Variants in TMEM178B observed in about 807,000 individuals in gnomAD.
TMEM178B encodes the protein transmembrane protein 178B.
Under a neutral mutation model 31.0 loss-of-function variants are expected in TMEM178B, and 5 were observed. That is an observed-to-expected ratio of 0.16 (90% CI 0.08 to 0.34). TMEM178B has a LOEUF of 0.34. Among genes scored for constraint, TMEM178B ranks in the 10% least tolerant of loss-of-function variants. The probability of loss-of-function intolerance (pLI) is 1.00; values close to 1 mark genes in which losing one functional copy is unlikely to be tolerated. For synonymous variants in TMEM178B, 164 were observed against 164.0 expected (o/e 1.00, Z 0.00); for missense variants, 275 against 400.3 (o/e 0.69, Z 2.67).
chr7:141,433,389 C>T (rs535215736), intron 2 of TMEM178B, among the ~76,000 whole-genome samples: 61 of 152,330 alleles, frequency 4.0e-4, no homozygotes, highest in African/African-American at 1.5e-3. Context: ...TTCTCTGATA[C>T]TGACTTTAGA....
chr7:141,271,007 C>G (rs1333179600), intron 2 of TMEM178B, among the ~76,000 whole-genome samples: 2 of 152,178 alleles, frequency 1.3e-5, no homozygotes, highest in East Asian at 3.9e-4. Flanking sequence ...TTCTCATTCC[C>G]AAGTCCTCTA....
chr7:141,227,283 C>T (rs577489773), intron 2 of TMEM178B, among the ~76,000 whole-genome samples: 2 of 152,316 alleles, frequency 1.3e-5, no homozygotes, highest in South Asian at 2.1e-4. Flanking sequence ...ACCTAAAATA[C>T]GTCACTCATT....
chr7:141,373,426 A>C (rs1800154032), intron 2 of TMEM178B, among the ~76,000 whole-genome samples: 1 of 152,232 alleles, frequency 6.6e-6, no homozygotes, highest in Non-Finnish European at 1.5e-5. Context: ...TGGGAAATAC[A>C]CTACGAGACT....
chr7:141,259,068 C>T (rs1177539124), intron 2 of TMEM178B, among the ~76,000 whole-genome samples: 1 of 152,140 alleles, frequency 6.6e-6, no homozygotes, highest in Non-Finnish European at 1.5e-5. Flanking sequence ...CTGTCTCTCT[C>T]TTCTTGTCTT....
chr7:141,336,891 CTA>C (rs1799403057), intron 2 of TMEM178B, among the ~76,000 whole-genome samples: 1 of 85,726 alleles, frequency 1.2e-5, no homozygotes. Context: ...ACCATCACCG[CTA>C]CCACCACCAC....
chr7:141,081,269 T>G (rs1202326535), intron 1 of TMEM178B, among the ~76,000 whole-genome samples: 1 of 152,092 alleles, frequency 6.6e-6, no homozygotes, highest in Non-Finnish European at 1.5e-5. Flanking sequence ...TGTGTCTTAG[T>G]TTTTAACAAA....
intron 1 of TMEM178B, among the ~76,000 whole-genome samples, chr7:141,130,576 C>G (rs763005386): frequency 1.1e-4 from 17 of 152,100 alleles, no homozygotes; most frequent in Non-Finnish European, 7.4e-5. Context: ...TTTATCCATT[C>G]TACTGTTTGG....
chr7:141,213,956 C>G (rs1797090201), intron 2 of TMEM178B, among the ~76,000 whole-genome samples: 1 of 152,230 alleles, frequency 6.6e-6, no homozygotes. Context: ...AGACACTAAG[C>G]AGCACATGGG....
intron 2 of TMEM178B, among the ~76,000 whole-genome samples, chr7:141,288,407 C>G (rs1056686901): frequency 1.3e-5 from 2 of 151,052 alleles, no homozygotes; most frequent in Non-Finnish European, 1.5e-5. Flanking sequence ...TCATCTGTTG[C>G]AGCTTCAGTT....
At chr7:141,200,014 G>A (rs543970222) in intron 1 of TMEM178B, among the ~76,000 whole-genome samples, 1 of 152,064 alleles carries the variant, frequency 6.6e-6, no homozygotes, top group African/African-American at 2.4e-5. Context: ...TAGTGTCACT[G>A]CACCCCAGCC....
chr7:141,449,131 C>T (rs1485514303), intron 3 of TMEM178B, among the ~76,000 whole-genome samples: 2 of 152,180 alleles, frequency 1.3e-5, no homozygotes, highest in South Asian at 4.1e-4. Context: ...CTCCGTGGCT[C>T]TTCTGGGATG....
At chr7:141,205,208 G>T (rs1257152622) in intron 1 of TMEM178B, among the ~76,000 whole-genome samples, 1 of 152,184 alleles carries the variant, frequency 6.6e-6, no homozygotes, top group Non-Finnish European at 1.5e-5. Context: ...AGGAAAATCT[G>T]CTGTAACTGT....
intron 3 of TMEM178B, among the ~76,000 whole-genome samples, chr7:141,454,035 C>T (rs575951930): frequency 1.3e-5 from 2 of 152,106 alleles, no homozygotes; most frequent in East Asian, 3.9e-4. Context: ...GTGTCCTTCC[C>T]ATTGCCACCC....
At chr7:141,285,603 CA>C (rs1201372390) in intron 2 of TMEM178B, among the ~76,000 whole-genome samples, 1 of 151,978 alleles carries the variant, frequency 6.6e-6, no homozygotes, top group Non-Finnish European at 1.5e-5. Flanking sequence ...GGTATATACC[CA>C]AAGGATTATA....
intron 2 of TMEM178B, among the ~76,000 whole-genome samples, chr7:141,369,108 C>A (rs1800062741): frequency 6.6e-6 from 1 of 152,174 alleles, no homozygotes; most frequent in Non-Finnish European, 1.5e-5. Context: ...ATCCCTTCAG[C>A]CTCAACTGGG....
intron 2 of TMEM178B, among the ~76,000 whole-genome samples, chr7:141,214,579 G>A (rs1797101449): frequency 6.6e-6 from 1 of 152,214 alleles, no homozygotes; most frequent in South Asian, 2.1e-4. Flanking sequence ...AGGGAAACCT[G>A]GTAGAACTCT....
chr7:141,496,773 C>CAAAAAA, the TMEM178B span, among the ~76,000 whole-genome samples: 1 of 149,908 alleles, frequency 6.7e-6, no homozygotes, highest in African/African-American at 2.5e-5. Context: ...GGAATTACTG[C>CAAAAAA]AAAAAAAATG....
chr7:141,337,361 CCCACTACCACT>C (rs1170403783), intron 2 of TMEM178B, among the ~76,000 whole-genome samples: 1 of 150,318 alleles, frequency 6.7e-6, no homozygotes, highest in Non-Finnish European at 1.5e-5. Flanking sequence ...CCACTACCAC[CCCACTACCACT>C]GCCACTACCA....
At chr7:141,470,398 C>T in intron 3 of TMEM178B, 138 bp from the exon 4 acceptor site, 1 of 827,596 alleles carries the variant, frequency 1.2e-6, no homozygotes, top group Non-Finnish European at 1.8e-6. Context: ...TGATAACCTG[C>T]TCTTACCTAG....
Sources: gnomAD v4.1 joint callset for allele counts (sites outside exome capture counted in the v4.1 genomes callset) on GRCh38, gnomAD v4.1.1 for gene constraint, MANE v1.5 for transcripts, NCBI Gene and HGNC (gene_info 2026-07-23, HGNC 2026-07-21) for gene names.